Variants in SEMA5A observed in about 807,000 individuals in gnomAD.
SEMA5A encodes semaphorin-5A.
SEMA5A carries 55 observed loss-of-function variants against 135.5 expected under a neutral mutation model. The ratio of observed to expected loss-of-function variants is 0.41; its 90% CI spans 0.33 to 0.51. The LOEUF is 0.51. Ranked by LOEUF, SEMA5A falls within the 20% of genes least tolerant of loss-of-function variation. The pLI is 0.37. For synonymous variants in SEMA5A, 580 were observed against 546.5 expected (o/e 1.06, Z -0.85); for missense variants, 1,290 against 1,419.9 (o/e 0.91, Z 1.47).
Position 9,318,458 on chromosome 5 carries a change from T to C in SEMA5A, c.225-41A>G, listed in dbSNP as rs762749474. 9 of 1,514,386 alleles carry C rather than the reference T, an allele frequency of 5.9e-6. No homozygotes were observed. The African/African-American group carries it at 1.1e-4, about 19-fold the overall frequency. 93.8% of individuals were successfully genotyped at this position (1,514,386 alleles called of 1,614,324 possible). A position where few individuals can be genotyped will look rare whatever the true frequency, so the allele number is the denominator to read the frequency against. On this transcript the variant is annotated intron_variant, in intron 4 of 22. Transcript: ENST00000382496. ...ACAGAGCAGTTTTATTTTTAATAGA[T>C]CACAGAAAGTTAAGAGTTTATAAAA...
rs534539143 is a variant in SEMA5A, at chr5:9,185,872, A to G, written c.1273+4395T>C. On this transcript the variant is annotated intron_variant, in intron 11 of 22. Coordinates refer to ENST00000382496, the MANE Select transcript of SEMA5A (RefSeq NM_003966.3). ...AGAACAACCATGGCCATGCTGTGGA[A>G]AAAGCCCAGAGCGGCAGCCACATGT... Among the ~76,000 whole-genome samples the G allele has an allele frequency of 2.0e-4, 31 of 152,312 alleles. No homozygotes were observed. In the East Asian group the frequency reaches 6.0e-3, roughly 29 times the overall value.
At chr5:9,477,705 G>T (rs1561284633) in intron 1 of SEMA5A, among the ~76,000 whole-genome samples, 2 of 152,120 alleles carry the variant, frequency 1.3e-5, no homozygotes, top group African/African-American at 2.4e-5. Flanking sequence ...GATGTGACCT[G>T]GGTGCTCCTA....
intron 1 of SEMA5A, among the ~76,000 whole-genome samples, chr5:9,481,177 C>G (rs1224885393): frequency 6.6e-6 from 1 of 152,098 alleles, no homozygotes; most frequent in Non-Finnish European, 1.5e-5. Flanking sequence ...GAACTCCTGA[C>G]CTGAAGTGAT....
intron 1 of SEMA5A, among the ~76,000 whole-genome samples, chr5:9,451,445 G>C (rs1001135890): frequency 6.6e-6 from 1 of 152,136 alleles, no homozygotes; most frequent in East Asian, 1.9e-4. Flanking sequence ...TGGAAGAAGG[G>C]GCATAGCTAT....
chr5:9,305,441 G>T (rs1286647226), intron 5 of SEMA5A, among the ~76,000 whole-genome samples: 1 of 151,892 alleles, frequency 6.6e-6, no homozygotes, highest in African/African-American at 2.4e-5. Flanking sequence ...TTCACTCTGT[G>T]TTTTTCGTAA....
chr5:9,492,557 C>T (rs991564627), intron 1 of SEMA5A, among the ~76,000 whole-genome samples: 2 of 152,178 alleles, frequency 1.3e-5, no homozygotes, highest in Admixed American at 6.5e-5. Context: ...ATCCATTTAC[C>T]TCCCTGAGAC....
rs1374812661 is a variant in SEMA5A at position 9,204,416 on chromosome 5, C to T, written c.647-2176G>A. ...CACATAGTAAATAGCTCCAGTTTCT[C>T]AAAAGTCCTGAGCTGAAAAACGAGA... On this transcript the variant is annotated intron_variant, in intron 8 of 22. Coordinates refer to ENST00000382496, the MANE Select transcript of SEMA5A (RefSeq NM_003966.3). This position sits in a 1 kb window ranked among gnomAD's most constrained non-coding sequence, Gnocchi z 6.4. Among the ~76,000 whole-genome samples, 1 of 152,126 alleles carries T rather than the reference C, an allele frequency of 6.6e-6. No individual in the cohort carries two copies. The highest frequency in any genetic ancestry group is 1.9e-4 in the East Asian group (1 of 5,194).
At chr5:9,073,742 TA>T (rs1661712042) in intron 16 of SEMA5A, among the ~76,000 whole-genome samples, 1 of 152,080 alleles carries the variant, frequency 6.6e-6, no homozygotes, top group African/African-American at 2.4e-5. Context: ...CTAGAAGTAA[TA>T]AATTAATTTA....
intron 5 of SEMA5A, among the ~76,000 whole-genome samples, chr5:9,306,200 T>A (rs1248377884): frequency 1.3e-5 from 2 of 152,216 alleles, no homozygotes; most frequent in Non-Finnish European, 2.9e-5. Context: ...TTTGGAAAAG[T>A]TTCAGTGATA....
intron 2 of SEMA5A, among the ~76,000 whole-genome samples, chr5:9,404,175 C>G (rs1756784455): frequency 6.6e-6 from 1 of 152,182 alleles, no homozygotes; most frequent in African/African-American, 2.4e-5. Flanking sequence ...CTCAGGTGAT[C>G]TGCCTACCTC....
At chr5:9,206,380 T>C (rs899511868) in intron 8 of SEMA5A, among the ~76,000 whole-genome samples, 1 of 152,184 alleles carries the variant, frequency 6.6e-6, no homozygotes, top group Non-Finnish European at 1.5e-5. Context: ...TTATTTTGCA[T>C]ATTTACTTAC....
intron 11 of SEMA5A, among the ~76,000 whole-genome samples, chr5:9,178,331 C>CTTTTTTTTTTTTT (rs5865809): frequency 8.1e-6 from 1 of 123,600 alleles, no homozygotes; most frequent in African/African-American, 3.0e-5. Context: ...TTTTTCTCTC[C>CTTTTTTTTTTTTT]TTTTTTTTTT....
At chr5:9,310,429 T>C (rs2150642309) in intron 5 of SEMA5A, among the ~76,000 whole-genome samples, 1 of 152,106 alleles carries the variant, frequency 6.6e-6, no homozygotes, top group Non-Finnish European at 1.5e-5. Context: ...TCTATGACAA[T>C]AAGAACATAT....
chr5:9,254,164 A>G (rs1381214386), intron 5 of SEMA5A, among the ~76,000 whole-genome samples: 1 of 152,252 alleles, frequency 6.6e-6, no homozygotes, highest in Non-Finnish European at 1.5e-5. Context: ...ACTAATATTT[A>G]CTGAGCACCT....
Position 9,457,968 on chromosome 5 carries a change from C to T in SEMA5A, c.-174-20116G>A, listed in dbSNP as rs531336781. On this transcript the variant is annotated intron_variant, in intron 1 of 22. Transcript: ENST00000382496. ...TGTCACCCAGGATGGAGTGCAGTGG[C>T]GCCATCTCGGCTCACTGCAAGCTCC... Among the ~76,000 whole-genome samples the T allele has an allele frequency of 2.2e-3, 282 of 129,872 alleles. 1 individual carries two copies. Among genetic ancestry groups the T allele is most frequent in the African/African-American group, 7.9e-3 (271 of 34,122 alleles). The allele number at this position is 129,872 out of a possible 152,430, so 85.2% of individuals were successfully genotyped here. A position where few individuals can be genotyped will look rare whatever the true frequency, so the allele number is the denominator to read the frequency against.
At chr5:9,413,122 G>A (rs750826943) in intron 2 of SEMA5A, among the ~76,000 whole-genome samples, 1 of 152,150 alleles carries the variant, frequency 6.6e-6, no homozygotes, top group Non-Finnish European at 1.5e-5. Flanking sequence ...TAGCAGTCAA[G>A]AGTGAAGGAG....
At chr5:9,166,989 C>T (rs1743644624) in intron 11 of SEMA5A, among the ~76,000 whole-genome samples, 1 of 152,218 alleles carries the variant, frequency 6.6e-6, no homozygotes, top group South Asian at 2.1e-4. Context: ...CCCTCTAGCC[C>T]CCAGTGGTGA....
At chr5:9,303,860 T>A (rs12659734) in intron 5 of SEMA5A, among the ~76,000 whole-genome samples, 1 of 152,074 alleles carries the variant, frequency 6.6e-6, no homozygotes, top group Non-Finnish European at 1.5e-5. Flanking sequence ...AATAACATAT[T>A]TTGAAATTTG....
intron 20 of SEMA5A, among the ~76,000 whole-genome samples, chr5:9,050,828 C>A (rs1026838254): frequency 6.6e-6 from 1 of 152,230 alleles, no homozygotes; most frequent in East Asian, 1.9e-4. Flanking sequence ...GAGACTTGTT[C>A]CATCAAAGCC....
Sources: allele counts gnomAD v4.1 joint callset (sites outside exome capture counted in the v4.1 genomes callset), GRCh38; gene constraint gnomAD v4.1.1; non-coding constraint Gnocchi (gnomAD v3.1); transcripts MANE v1.5; gene names NCBI Gene and HGNC (gene_info 2026-07-23, HGNC 2026-07-21).